Variants in HS1BP3 observed in about 807,000 individuals in gnomAD.
The protein encoded by HS1BP3 is HCLS1-binding protein 3.
In HS1BP3, 32 loss-of-function variants were observed where a neutral mutation model predicts 33.5. That is an observed-to-expected ratio of 0.95 (90% CI 0.72 to 1.28). The LOEUF (loss-of-function observed/expected upper bound fraction) is 1.28, where lower values mean the gene tolerates loss of function less well. Ranked by LOEUF, HS1BP3 falls within the 50% of genes most tolerant of loss-of-function variation. The probability of loss-of-function intolerance (pLI) is 0.00; values close to 1 mark genes in which losing one functional copy is unlikely to be tolerated. For synonymous variants in HS1BP3, 187 were observed against 209.2 expected, an observed-to-expected ratio of 0.89 and a Z score of 0.92; for missense variants, 486 against 502.3, an observed-to-expected ratio of 0.97 and a Z score of 0.31.
chr2:20,632,272 TA>T (rs1694992185), intron 4 of HS1BP3, among the ~76,000 whole-genome samples: 1 of 152,152 alleles, frequency 6.6e-6, no homozygotes, highest in African/African-American at 2.4e-5. Flanking sequence ...AAGCTCTGAG[TA>T]AACAACCATT....
At position 20,571,056 on chromosome 2, in the gene HS1BP3, C is replaced by T. The variant is rs572664979; in HGVS notation, c.303-10541G>A. ...GGCAGTGAGGACACTGGGGAGGGTC[C>T]GGCTTCTGGGACAGGGTCCCCATCT... On this transcript the variant is annotated intron_variant, in intron 5 of 5. Transcript: ENST00000446825. Among the ~76,000 whole-genome samples the T allele has an allele frequency of 1.1e-4, 17 of 152,220 alleles. No homozygotes were observed. The East Asian group carries it at 1.4e-3, about 12-fold the overall frequency.
chr2:20,589,502 G>C (rs1693760193), downstream of HS1BP3, among the ~76,000 whole-genome samples: 1 of 152,214 alleles, frequency 6.6e-6, no homozygotes, highest in Non-Finnish European at 1.5e-5. Flanking sequence ...GATCAGACCT[G>C]GCATTGGTTG....
chr2:20,617,047 A>T (rs536273106), downstream of HS1BP3, among the ~76,000 whole-genome samples: 2 of 152,272 alleles, frequency 1.3e-5, no homozygotes, highest in East Asian at 3.9e-4. Context: ...GACCCCAAGC[A>T]GAGCACCAGC....
chr2:20,613,838 T>G (rs1317846070), downstream of HS1BP3, among the ~76,000 whole-genome samples: 1 of 152,234 alleles, frequency 6.6e-6, no homozygotes, highest in Non-Finnish European at 1.5e-5. Context: ...AATGGGCCTC[T>G]GCTTGCTGCT....
chr2:20,570,189 TTC>T (rs886787580), intron 5 of HS1BP3, among the ~76,000 whole-genome samples: 13 of 152,188 alleles, frequency 8.5e-5, no homozygotes, highest in African/African-American at 2.9e-4. Context: ...AGAGTTTTTT[TTC>T]CCCCTTCTTT....
At chr2:20,642,760 C>A (rs1695397115) in intron 2 of HS1BP3, among the ~76,000 whole-genome samples, 1 of 152,262 alleles carries the variant, frequency 6.6e-6, no homozygotes, top group African/African-American at 2.4e-5. Flanking sequence ...GCATCTGCAC[C>A]AGCAACAAGA....
In HS1BP3 at chr2:20,623,961, G is replaced by T; in HGVS notation, c.855C>A (p.Ala285=). 1 of 1,612,720 alleles carries T rather than the reference G, an allele frequency of 6.2e-7. No individual in the cohort carries two copies. The highest frequency in any genetic ancestry group is 2.2e-5 in the East Asian group (1 of 44,864). Residue 285 remains alanine (A), a synonymous_variant, in exon 6 of 7, where the codon GCC becomes GCA. Transcript: ENST00000304031. ...GTGTGGGCCCTCCACTCTCACAGGC[G>T]GCTGGCAGCAGGAGGGAGTCACCCA... is the stretch of plus-strand genomic sequence containing the variant. ...IPLGDSLLLP[A]ACESGGPTPS...
chr2:20,571,212 C>G (rs1367380172), intron 5 of HS1BP3, among the ~76,000 whole-genome samples: 1 of 152,190 alleles, frequency 6.6e-6, no homozygotes, highest in East Asian at 1.9e-4. Flanking sequence ...CCCAGCACCC[C>G]CTTCCTTAGG....
At chr2:20,640,457 A>C in intron 3 of HS1BP3, 2 of 266,368 alleles carry the variant, frequency 7.5e-6, no homozygotes, top group Non-Finnish European at 1.4e-5. Context: ...CACTGGGGGC[A>C]GGGGTGCTGG....
At chr2:20,641,294 G>T in intron 2 of HS1BP3, 114 bp from the exon 3 acceptor site, 1 of 904,632 alleles carries the variant, frequency 1.1e-6, no homozygotes, top group Non-Finnish European at 1.7e-6. Context: ...TGCCAGGTAC[G>T]CCCGCCTGCT....
chr2:20,647,836 G>T (rs558311931), intron 1 of HS1BP3, among the ~76,000 whole-genome samples: 1 of 152,296 alleles, frequency 6.6e-6, no homozygotes, highest in South Asian at 2.1e-4. Context: ...ACCCCCTGGG[G>T]ATCCTGTTAA....
chr2:20,590,334 G>C (rs1693781687), downstream of HS1BP3, among the ~76,000 whole-genome samples: 1 of 152,196 alleles, frequency 6.6e-6, no homozygotes, highest in Non-Finnish European at 1.5e-5. Flanking sequence ...GGAGAGACCA[G>C]TGGTGTCTGT....
At chr2:20,569,540 C>T (rs1693214972) in intron 5 of HS1BP3, among the ~76,000 whole-genome samples, 1 of 152,186 alleles carries the variant, frequency 6.6e-6, no homozygotes. Context: ...ATATTTGAAA[C>T]ATACTCAGGC....
intron 2 of HS1BP3, among the ~76,000 whole-genome samples, chr2:20,603,850 G>C (rs925895988): frequency 6.6e-6 from 1 of 152,228 alleles, no homozygotes; most frequent in South Asian, 2.1e-4. Context: ...CCAGAGATGG[G>C]TTCTAACTCC....
At chr2:20,612,895 T>C (rs1261576424), downstream of HS1BP3, among the ~76,000 whole-genome samples, 1 of 152,240 alleles carries the variant, frequency 6.6e-6, no homozygotes, top group Non-Finnish European at 1.5e-5. Flanking sequence ...GCTAAATCTA[T>C]TTCCCAAAGT....
chr2:20,580,352 C>T (rs1326996574), intron 5 of HS1BP3, among the ~76,000 whole-genome samples: 2 of 152,156 alleles, frequency 1.3e-5, no homozygotes, highest in East Asian at 1.9e-4. Flanking sequence ...AACCTCGTCT[C>T]TACTAAAATA....
In HS1BP3 at chr2:20,638,542, G is replaced by C. The variant is rs375974916; in HGVS notation, c.517C>G (p.Gln173Glu). 8.1e-6 allele frequency: 13 copies of C among 1,614,108 alleles called. No individual in the cohort carries two copies. The highest frequency in any genetic ancestry group is 1.1e-5 in the South Asian group (1 of 91,094). The change falls in exon 4 of 7, where the codon CAA becomes GAA. Residue 173 changes from glutamine (Q) to glutamate (E), a missense_variant. Transcript: ENST00000304031. Reference sequence around the variant, plus strand: ...GGACCCTCTTCTGCCACTTGGTCTTGCTCCTCAAAAAAGTCGAAAGCCTCT... The same window carrying C: ...GGACCCTCTTCTGCCACTTGGTCTTCCTCCTCAAAAAAGTCGAAAGCCTCT... ...DEEAFDFFEEQDQVAEEGPPV... is the reference protein window; with the variant it reads ...DEEAFDFFEEEDQVAEEGPPV...
chr2:20,599,011 T>TG (rs1173818816), intron 2 of HS1BP3, among the ~76,000 whole-genome samples: 1 of 150,172 alleles, frequency 6.7e-6, no homozygotes, highest in African/African-American at 2.5e-5. Flanking sequence ...CAGTGGGGAG[T>TG]GGGGGGAATG....
chr2:20,636,309 A>C (rs1695128585), intron 4 of HS1BP3: 2 of 152,326 alleles, frequency 1.3e-5, no homozygotes, highest in Admixed American at 6.5e-5. Flanking sequence ...TCTGGAACAC[A>C]CACGGCTCTG....
Sources: allele counts gnomAD v4.1 joint callset (sites outside exome capture counted in the v4.1 genomes callset), GRCh38; gene constraint gnomAD v4.1.1; transcripts MANE v1.5; gene names NCBI Gene and HGNC (gene_info 2026-07-23, HGNC 2026-07-21).